Variants in CEP128 observed in about 807,000 individuals in gnomAD.
The protein encoded by CEP128 is centrosomal protein 128kDa.
Under a neutral mutation model 156.7 loss-of-function variants are expected in CEP128, and 132 were observed. That is an observed-to-expected ratio of 0.84 (90% confidence interval 0.73 to 0.97). The LOEUF (loss-of-function observed/expected upper bound fraction) is 0.97, where lower values mean the gene tolerates loss of function less well. Among genes scored for constraint, CEP128 ranks in the 50% least tolerant of loss-of-function variants. CEP128 has a pLI of 0.00. For missense variants in CEP128, 1,252 were observed against 1,281.9 expected (o/e 0.98, Z 0.36); for synonymous variants, 469 against 448.9 (o/e 1.04, Z -0.57).
chr14:80,758,798 T>C (rs965404136), intron 17 of CEP128, among the ~76,000 whole-genome samples: 3 of 152,206 alleles, frequency 2.0e-5, no homozygotes, highest in African/African-American at 7.2e-5. Flanking sequence ...TATTTGACCC[T>C]ATAATAGCAC....
intron 19 of CEP128, among the ~76,000 whole-genome samples, chr14:80,627,493 G>A (rs114410710): frequency 9.7e-4 from 148 of 152,216 alleles, no homozygotes; most frequent in African/African-American, 3.4e-3. Flanking sequence ...ACATTGTAAG[G>A]CCCATTGTAG....
At chr14:80,716,730 G>A (rs981017076) in intron 19 of CEP128, among the ~76,000 whole-genome samples, 1 of 152,122 alleles carries the variant, frequency 6.6e-6, no homozygotes, top group Non-Finnish European at 1.5e-5. Flanking sequence ...GTTTTTGCTT[G>A]ACAAATGTTT....
chr14:80,862,944 G>A (rs769307978), intron 8 of CEP128, 71 bp from the exon 9 acceptor site: 1 of 1,088,708 alleles, frequency 9.2e-7, no homozygotes, highest in Non-Finnish European at 1.4e-6. Flanking sequence ...TGAGAAGATA[G>A]TTTTATAGCA....
Position 80,504,990 on chromosome 14 carries a change from T to C in CEP128, c.3103A>G (p.Thr1035Ala). 1.3e-6 allele frequency: 2 copies of C among 1,599,094 alleles called. No homozygotes were observed. The highest frequency in any genetic ancestry group is 2.3e-5 in the East Asian group (1 of 44,430). The change falls in exon 24 of 25, where the codon ACT (threonine) becomes GCT (alanine). Residue 1035 changes from threonine to alanine, a missense_variant. Transcript: ENST00000555265. ...GAGGATGAGTGATCTAACCCACGAG[T>C]GTGGGAACCTTCCAGAAAGGTTCTG... is the stretch of plus-strand genomic sequence containing the variant. ...GDRTFLEGSH[T>A]RGLDHSSSWQ... is the part of the protein sequence containing the mutation.
At chr14:80,651,686 T>C (rs1894911269) in intron 19 of CEP128, among the ~76,000 whole-genome samples, 1 of 152,170 alleles carries the variant, frequency 6.6e-6, no homozygotes, top group African/African-American at 2.4e-5. Context: ...CTAGTAGTCA[T>C]TCAGGAGCAG....
chr14:80,887,616 T>G (rs1487593345), intron 8 of CEP128, among the ~76,000 whole-genome samples: 1 of 152,120 alleles, frequency 6.6e-6, no homozygotes, highest in African/African-American at 2.4e-5. Flanking sequence ...ATGTCTGGGA[T>G]ACAGCTAAAG....
At chr14:80,580,736 C>T (rs1891555927) in intron 19 of CEP128, among the ~76,000 whole-genome samples, 1 of 152,140 alleles carries the variant, frequency 6.6e-6, no homozygotes, top group Non-Finnish European at 1.5e-5. Flanking sequence ...AATTTGGTCT[C>T]ATGCTTATAT....
At chr14:80,861,175 T>C (rs1887494874) in intron 9 of CEP128, among the ~76,000 whole-genome samples, 1 of 152,034 alleles carries the variant, frequency 6.6e-6, no homozygotes, top group Non-Finnish European at 1.5e-5. Flanking sequence ...GCACTACTTA[T>C]AGTAGTAATT....
chr14:80,810,467 G>A (rs1461336178), intron 13 of CEP128, among the ~76,000 whole-genome samples: 1 of 151,710 alleles, frequency 6.6e-6, no homozygotes, highest in Non-Finnish European at 1.5e-5. Flanking sequence ...TAGATTGACT[G>A]AATGGATTTT....
chr14:80,754,458 T>TC (rs1407403944), intron 18 of CEP128, among the ~76,000 whole-genome samples: 2 of 144,720 alleles, frequency 1.4e-5, no homozygotes, highest in African/African-American at 2.8e-5. Flanking sequence ...AATGTCCTGT[T>TC]CTTTTTTTTT....
chr14:80,662,949 A>G (rs1595172804), intron 19 of CEP128, among the ~76,000 whole-genome samples: 2 of 152,354 alleles, frequency 1.3e-5, no homozygotes, highest in Admixed American at 6.5e-5. Flanking sequence ...TTTATTTAAC[A>G]AATAGTCACT....
chr14:80,783,659 G>GATTA (rs1405521028), intron 15 of CEP128, among the ~76,000 whole-genome samples: 7 of 152,134 alleles, frequency 4.6e-5, no homozygotes, highest in Admixed American at 1.3e-4. Context: ...AACTCTAAAA[G>GATTA]ATTACTATTC....
chr14:80,746,414 G>C (rs1899103893), intron 18 of CEP128, among the ~76,000 whole-genome samples: 1 of 152,170 alleles, frequency 6.6e-6, no homozygotes, highest in Admixed American at 6.5e-5. Flanking sequence ...GAACAGAAGT[G>C]AGAGTCTAGA....
At chr14:80,944,877 C>CA (rs57778942), upstream of CEP128, among the ~76,000 whole-genome samples, 693 of 79,378 alleles carry the variant, frequency 8.7e-3, 9 homozygotes, top group African/African-American at 0.027. Context: ...CAGAACAAAA[C>CA]AAAAAAAAAA....
rs1177500753 is a variant in CEP128 at position 80,840,691 on chromosome 14, C to T, written c.840G>A (p.Glu280=). 1.3e-6 allele frequency: 2 copies of T among 1,599,724 alleles called. No homozygotes were observed. Among genetic ancestry groups the T allele is most frequent in the Middle Eastern group, 1.7e-4 (1 of 6,032 alleles). Residue 280 remains glutamate, a synonymous_variant, in exon 10 of 25, where the codon GAG becomes GAA. Transcript: ENST00000555265. The part of the protein sequence containing the change: ...IKNKLRQTET[E]KNQLEQELEL... ...ACTTTTAAAATCTTACTTGATTCTTCTCAGTTTCAGTTTGTCTTAGCTTAT... is the reference window on the plus strand; with the variant it reads ...ACTTTTAAAATCTTACTTGATTCTTTTCAGTTTCAGTTTGTCTTAGCTTAT...
intron 19 of CEP128, among the ~76,000 whole-genome samples, chr14:80,728,951 C>T (rs1284783725): frequency 6.6e-6 from 1 of 152,132 alleles, no homozygotes; most frequent in Admixed American, 6.6e-5. Flanking sequence ...CAGGTTCACG[C>T]TGAGCCCTTT....
intron 19 of CEP128, among the ~76,000 whole-genome samples, chr14:80,612,342 A>T (rs2140591693): frequency 6.6e-6 from 1 of 152,334 alleles, no homozygotes; most frequent in Admixed American, 6.5e-5. Context: ...CAATGAAAGG[A>T]TGAAAATGAA....
rs571544880 is a variant in CEP128 at position 80,548,368 on chromosome 14, CAT to C, written c.2880+10909_2880+10910del. On this transcript the variant is annotated intron_variant, in intron 21 of 24. Transcript: ENST00000555265. Reference sequence around the variant, plus strand: ...CTAGATGCACAAAATGAAAATTCTCCATATTAGTTTTTCATTAAAGACTTTAA... The same window carrying C: ...CTAGATGCACAAAATGAAAATTCTCCATTAGTTTTTCATTAAAGACTTTAA... 4.1e-3 allele frequency among the ~76,000 whole-genome samples: 625 copies of C among 152,088 alleles called. 3 individuals are homozygous for C. The highest frequency in any genetic ancestry group is 0.014 in the African/African-American group (588 of 41,464).
intron 21 of CEP128, among the ~76,000 whole-genome samples, chr14:80,556,425 T>A (rs1183610465): frequency 6.6e-6 from 1 of 152,096 alleles, no homozygotes; most frequent in Non-Finnish European, 1.5e-5. Context: ...CTACTATATA[T>A]CAAACATTTC....
Sources: gnomAD v4.1 joint callset for allele counts (sites outside exome capture counted in the v4.1 genomes callset) on GRCh38, gnomAD v4.1.1 for gene constraint, MANE v1.5 for transcripts, NCBI Gene and HGNC (gene_info 2026-07-23, HGNC 2026-07-21) for gene names.